Variants in MAF observed in about 807,000 individuals in gnomAD.
The protein encoded by MAF is MAF bZIP transcription factor, also known as transcription factor Maf.
MAF carries 10 observed loss-of-function variants against 22.0 expected under a neutral mutation model. The observed-to-expected ratio is 0.45, with a 90% confidence interval of 0.28 to 0.77. MAF has a LOEUF of 0.77. Among genes scored for constraint, MAF ranks in the 30% least tolerant of loss-of-function variants. The probability of loss-of-function intolerance (pLI) is 0.12; values close to 1 mark genes in which losing one functional copy is unlikely to be tolerated. For synonymous variants in MAF, 337 were observed against 255.8 expected (o/e 1.32, Z -3.03); for missense variants, 544 against 548.4 (o/e 0.99, Z 0.08).
At chr16:79,363,198 A>AG in the MAF span, among the ~76,000 whole-genome samples, 4 of 144,670 alleles carry the variant, frequency 2.8e-5, no homozygotes, top group African/African-American at 2.7e-5. Flanking sequence ...GAACAAGGGT[A>AG]GGGGGGTGGG....
chr16:79,374,342 A>T, the MAF span, among the ~76,000 whole-genome samples: 1 of 152,154 alleles, frequency 6.6e-6, no homozygotes. Flanking sequence ...TTCTGCATCC[A>T]ACTGGTCAAT....
chr16:79,567,518 T>TA, the MAF span, among the ~76,000 whole-genome samples: 6 of 151,998 alleles, frequency 3.9e-5, no homozygotes, highest in Admixed American at 1.3e-4. Flanking sequence ...AAAAAGTAAG[T>TA]AAAAAAAATG....
At chr16:79,422,645 A>T in the MAF span, among the ~76,000 whole-genome samples, 1 of 152,256 alleles carries the variant, frequency 6.6e-6, no homozygotes, top group African/African-American at 2.4e-5. Context: ...AGTTTTATTC[A>T]TATCCCCATT....
At chr16:79,378,759 C>T in the MAF span, among the ~76,000 whole-genome samples, 2 of 152,040 alleles carry the variant, frequency 1.3e-5, no homozygotes, top group Non-Finnish European at 2.9e-5. Flanking sequence ...TGGGTATATG[C>T]TAATAATTTA....
chr16:79,350,578 C>T, the MAF span, among the ~76,000 whole-genome samples: 3 of 152,166 alleles, frequency 2.0e-5, no homozygotes, highest in African/African-American at 7.2e-5. Flanking sequence ...ATATGCATCC[C>T]TCCAGGCCCC....
intron 1 of MAF, chr16:79,596,749 G>A (rs558555620): frequency 9.6e-7 from 1 of 1,045,034 alleles, no homozygotes; most frequent in South Asian, 4.6e-5. Flanking sequence ...TAAAACTGTG[G>A]ATTTTTTTTT....
chr16:79,509,829 A>C, the MAF span, among the ~76,000 whole-genome samples: 612 of 152,300 alleles, frequency 4.0e-3, 7 homozygotes, highest in African/African-American at 0.014. Context: ...GCCTCTTCTT[A>C]TCAATGCCTC....
chr16:79,248,766 G>A, the MAF span, among the ~76,000 whole-genome samples: 2 of 149,488 alleles, frequency 1.3e-5, no homozygotes, highest in Non-Finnish European at 3.0e-5. Context: ...TGCCTAGATT[G>A]TTTGAAATTA....
chr16:79,346,357 C>T, the MAF span, among the ~76,000 whole-genome samples: 2 of 152,120 alleles, frequency 1.3e-5, no homozygotes, highest in Non-Finnish European at 1.5e-5. Context: ...GACAGGAACT[C>T]ATCCTTTGTA....
chr16:79,355,073 G>A, the MAF span, among the ~76,000 whole-genome samples: 2 of 152,220 alleles, frequency 1.3e-5, no homozygotes, highest in East Asian at 1.9e-4. Flanking sequence ...GATAAGATTA[G>A]TTTTTCCCCC....
chr16:79,209,441 G>A, the MAF span, among the ~76,000 whole-genome samples: 8 of 152,136 alleles, frequency 5.3e-5, no homozygotes, highest in South Asian at 2.1e-4. Context: ...CTTTCCTCAC[G>A]CTTGGCAGAA....
the MAF span, among the ~76,000 whole-genome samples, chr16:79,252,488 G>C: frequency 1.3e-5 from 2 of 151,860 alleles, no homozygotes; most frequent in African/African-American, 2.4e-5. Context: ...GCCTGGTTTC[G>C]ATTTTTTTTC....
the MAF span, among the ~76,000 whole-genome samples, chr16:79,331,562 G>C: frequency 2.0e-5 from 3 of 151,994 alleles, no homozygotes; most frequent in Non-Finnish European, 4.4e-5. Flanking sequence ...CTTCTTACAC[G>C]AGCCACCCGC....
At chr16:79,525,277 G>T in the MAF span, among the ~76,000 whole-genome samples, 25 of 152,268 alleles carry the variant, frequency 1.6e-4, no homozygotes, top group African/African-American at 6.0e-4. Context: ...GCCTGGGATG[G>T]ATGTTTTGGG....
chr16:79,593,501 G>C (rs189469066), downstream of MAF, among the ~76,000 whole-genome samples: 223 of 152,302 alleles, frequency 1.5e-3, no homozygotes, highest in African/African-American at 4.9e-3. Flanking sequence ...CTGGGGTAAA[G>C]GCACAAGGGA....
downstream of MAF, among the ~76,000 whole-genome samples, chr16:79,589,699 A>G (rs1380164922): frequency 6.6e-6 from 1 of 152,074 alleles, no homozygotes; most frequent in East Asian, 1.9e-4. Context: ...AGAGCGGCGC[A>G]CCGGGGAGTT....
chr16:79,553,379 G>A, the MAF span, among the ~76,000 whole-genome samples: 1 of 152,252 alleles, frequency 6.6e-6, no homozygotes, highest in Non-Finnish European at 1.5e-5. Flanking sequence ...GACCCATAGA[G>A]GAGGGGCTGG....
chr16:79,251,749 G>A, the MAF span, among the ~76,000 whole-genome samples: 4,439 of 152,314 alleles, frequency 0.029, 84 homozygotes, highest in Non-Finnish European at 0.046. Context: ...AAGAGCCAAC[G>A]CTGGGGGCCT....
At chr16:79,380,470 T>C in the MAF span, among the ~76,000 whole-genome samples, 1 of 152,252 alleles carries the variant, frequency 6.6e-6, no homozygotes, top group African/African-American at 2.4e-5. Context: ...TATTATTATC[T>C]TTATTTTACA....
Sources: allele counts gnomAD v4.1 joint callset (sites outside exome capture counted in the v4.1 genomes callset), GRCh38; gene constraint gnomAD v4.1.1; transcripts MANE v1.5; gene names NCBI Gene and HGNC (gene_info 2026-07-23, HGNC 2026-07-21).